Variants in ATP8B1 observed in about 807,000 individuals in gnomAD.
ATP8B1 encodes the protein ATPase phospholipid transporting 8B1.
In ATP8B1, 80 loss-of-function variants were observed where a neutral mutation model predicts 149.9. That is an observed-to-expected ratio of 0.53 (90% CI 0.45 to 0.64). The LOEUF (loss-of-function observed/expected upper bound fraction) is 0.64. ATP8B1 is among the 30% of genes least tolerant of loss of function. The pLI is 0.00. For missense variants in ATP8B1, 1,247 were observed against 1,552.6 expected (o/e 0.80, Z 3.31); for synonymous variants, 536 against 562.8 (o/e 0.95, Z 0.67).
chr18:57,764,282 CTTT>C (rs1314076285), intron 1 of ATP8B1, among the ~76,000 whole-genome samples: 2 of 151,748 alleles, frequency 1.3e-5, no homozygotes, highest in African/African-American at 4.8e-5. Context: ...TTCCTTCCTT[CTTT>C]CTTTCTTCTT....
intron 22 of ATP8B1, among the ~76,000 whole-genome samples, chr18:57,656,981 ACT>A (rs1232236173): frequency 6.6e-6 from 1 of 151,980 alleles, no homozygotes; most frequent in African/African-American, 2.4e-5. Flanking sequence ...AAATAAATTT[ACT>A]TTTTTCTTTT....
chr18:57,761,112 TATAAAATAAAATAAAATAAA>T (rs55658113), intron 1 of ATP8B1, among the ~76,000 whole-genome samples: 86 of 133,568 alleles, frequency 6.4e-4, no homozygotes, highest in African/African-American at 1.8e-3. Flanking sequence ...TAAAATAAAA[TATAAAATAAAATAAAATAAA>T]ATAAAATAAA....
At chr18:57,662,351 G>GA (rs1910513405) in intron 21 of ATP8B1, 132 bp downstream of exon 21, 4 of 1,116,120 alleles carry the variant, frequency 3.6e-6, no homozygotes, top group Non-Finnish European at 5.2e-6. Context: ...CTCAAACTTG[G>GA]AAAAACCACA....
chr18:57,792,348 A>G (rs1035582281), intron 1 of ATP8B1, among the ~76,000 whole-genome samples: 4 of 151,968 alleles, frequency 2.6e-5, no homozygotes, highest in African/African-American at 9.7e-5. Flanking sequence ...GGGTCTTGCC[A>G]CGTTGCCCAG....
At chr18:57,768,449 T>G (rs542610273) in intron 1 of ATP8B1, among the ~76,000 whole-genome samples, 1 of 147,150 alleles carries the variant, frequency 6.8e-6, no homozygotes, top group African/African-American at 2.5e-5. Context: ...TTTCTTAAGC[T>G]ACTAAGAAGA....
intron 1 of ATP8B1, among the ~76,000 whole-genome samples, chr18:57,753,948 A>T (rs1054620644): frequency 1.2e-5 from 1 of 80,490 alleles, no homozygotes; most frequent in African/African-American, 6.6e-5. Context: ...AAAAAAAAAA[A>T]GAAAGAAAGA....
chr18:57,686,163 G>A (rs1912231759), intron 13 of ATP8B1, among the ~76,000 whole-genome samples: 1 of 151,804 alleles, frequency 6.6e-6, no homozygotes, highest in East Asian at 2.0e-4. Context: ...CCAGGAAGCT[G>A]AGGGAGGAGA....
At chr18:57,756,293 G>GTATATATATATATATATA (rs755702972) in intron 1 of ATP8B1, among the ~76,000 whole-genome samples, 27 of 87,118 alleles carry the variant, frequency 3.1e-4, no homozygotes, top group African/African-American at 4.0e-4. Context: ...ATATATGTGT[G>GTATATATATATATATATA]TGTGTATGTA....
intron 1 of ATP8B1, among the ~76,000 whole-genome samples, chr18:57,773,841 C>T (rs1186329516): frequency 6.6e-6 from 1 of 152,092 alleles, no homozygotes; most frequent in Admixed American, 6.6e-5. Flanking sequence ...AACCTAAAAC[C>T]TCTCCTCACC....
chr18:57,688,586 A>G (rs1003504668), intron 12 of ATP8B1, 79 bp from the exon 13 acceptor site: 1 of 1,410,738 alleles, frequency 7.1e-7, no homozygotes, highest in South Asian at 1.2e-5. Flanking sequence ...CTCATTGTAC[A>G]GACGAGAGCA....
At chr18:57,755,272 C>T (rs753520009) in intron 1 of ATP8B1, 1 of 151,994 alleles carries the variant, frequency 6.6e-6, no homozygotes, top group Non-Finnish European at 1.5e-5. Flanking sequence ...TAGCATCCTA[C>T]ATAAATGGCA....
intron 1 of ATP8B1, among the ~76,000 whole-genome samples, chr18:57,768,750 C>T (rs1361270798): frequency 6.6e-6 from 1 of 152,042 alleles, no homozygotes; most frequent in Non-Finnish European, 1.5e-5. Flanking sequence ...AATCCCTATG[C>T]CAAGGATAGA....
chr18:57,672,969 A>ATG, intron 16 of ATP8B1, among the ~76,000 whole-genome samples: 1 of 100,608 alleles, frequency 9.9e-6, no homozygotes, highest in Non-Finnish European at 1.9e-5. Flanking sequence ...ATATATCTAC[A>ATG]TATATACACA....
intron 19 of ATP8B1, chr18:57,668,135 G>A (rs1364272288): frequency 7.4e-7 from 1 of 1,358,732 alleles, no homozygotes. Context: ...AAGAGGGATG[G>A]CCCTTTCAGG....
At chr18:57,746,642 A>G (rs2079966665) in intron 1 of ATP8B1, among the ~76,000 whole-genome samples, 1 of 151,486 alleles carries the variant, frequency 6.6e-6, no homozygotes, top group Non-Finnish European at 1.5e-5. Context: ...AGCCCAGCTA[A>G]TTTTTGTATT....
At chr18:57,775,779 AG>A (rs1219478881) in intron 1 of ATP8B1, among the ~76,000 whole-genome samples, 1 of 151,628 alleles carries the variant, frequency 6.6e-6, no homozygotes, top group Non-Finnish European at 1.5e-5. Flanking sequence ...CAAGTAGCTG[AG>A]ATTACAGACA....
intron 8 of ATP8B1, among the ~76,000 whole-genome samples, chr18:57,696,261 T>A (rs1288853664): frequency 6.6e-6 from 1 of 152,106 alleles, no homozygotes; most frequent in East Asian, 1.9e-4. Flanking sequence ...GTTTTATAGT[T>A]GAGAATAAAC....
chr18:57,716,700 T>A (rs1432142239), intron 2 of ATP8B1, among the ~76,000 whole-genome samples: 5 of 152,198 alleles, frequency 3.3e-5, no homozygotes, highest in Admixed American at 3.3e-4. Flanking sequence ...TTACTAGAGC[T>A]AAAGAGAGTG....
chr18:57,773,857 G>T (rs1486858356), intron 1 of ATP8B1, among the ~76,000 whole-genome samples: 2 of 152,042 alleles, frequency 1.3e-5, no homozygotes, highest in Non-Finnish European at 2.9e-5. Flanking sequence ...TCACCTCCCT[G>T]CAAGCTGCTT....
Sources: allele counts gnomAD v4.1 joint callset (sites outside exome capture counted in the v4.1 genomes callset), GRCh38; gene constraint gnomAD v4.1.1; transcripts MANE v1.5; gene names NCBI Gene and HGNC (gene_info 2026-07-23, HGNC 2026-07-21).